The following ARHGAP15 variants were observed in gnomAD, a reference collection of about 807,000 sequenced individuals.
ARHGAP15 encodes Rho GTPase activating protein 15.
A neutral mutation model predicts 63.7 loss-of-function variants in ARHGAP15; 51 were observed. The ratio of observed to expected loss-of-function variants is 0.80; its 90% confidence interval spans 0.64 to 1.01. ARHGAP15 has a LOEUF of 1.01. Ranked by LOEUF, ARHGAP15 falls within the 50% of genes least tolerant of loss-of-function variation. The pLI, the probability that ARHGAP15 is intolerant of heterozygous loss-of-function variation, is 0.00. For synonymous variants in ARHGAP15, 191 were observed against 193.8 expected, an observed-to-expected ratio of 0.99 and a Z score of 0.12; for missense variants, 560 against 564.6, an observed-to-expected ratio of 0.99 and a Z score of 0.08.
chr2:143,265,831 G>A (rs982647660), intron 6 of ARHGAP15, among the ~76,000 whole-genome samples: 2 of 151,972 alleles, frequency 1.3e-5, no homozygotes, highest in Non-Finnish European at 2.9e-5. Flanking sequence ...TAAGCATAGT[G>A]TATTCATGTT....
At chr2:143,196,941 T>C (rs1691906610) in intron 2 of ARHGAP15, among the ~76,000 whole-genome samples, 1 of 151,982 alleles carries the variant, frequency 6.6e-6, no homozygotes, top group South Asian at 2.1e-4. Context: ...CTGCTAATAT[T>C]ATTCTTCTAT....
intron 12 of ARHGAP15, among the ~76,000 whole-genome samples, chr2:143,688,056 T>A (rs566508806): frequency 2.0e-5 from 3 of 152,310 alleles, no homozygotes; most frequent in South Asian, 4.1e-4. Context: ...AACCATGTTT[T>A]GGGGCTATTT....
At chr2:143,163,791 C>T (rs1690392190) in intron 2 of ARHGAP15, among the ~76,000 whole-genome samples, 1 of 151,962 alleles carries the variant, frequency 6.6e-6, no homozygotes, top group Non-Finnish European at 1.5e-5. Context: ...TTGGAGGAGG[C>T]GATATAAGTG....
chr2:143,621,426 A>G (rs1276844697), intron 11 of ARHGAP15, among the ~76,000 whole-genome samples: 1 of 152,222 alleles, frequency 6.6e-6, no homozygotes, highest in African/African-American at 2.4e-5. Context: ...AAGGCATACT[A>G]TATGGACATA....
At chr2:143,430,404 A>G (rs1689333725) in intron 6 of ARHGAP15, among the ~76,000 whole-genome samples, 1 of 152,096 alleles carries the variant, frequency 6.6e-6, no homozygotes, top group Admixed American at 6.6e-5. Context: ...GTAATTTGAG[A>G]CAGACATTCA....
At position 143,724,824 on chromosome 2, in the gene ARHGAP15, G is replaced by T. The variant is rs1040421381; in HGVS notation, c.1244+21300G>T. Among the ~76,000 whole-genome samples the T allele has an allele frequency of 2.0e-5, 3 of 152,132 alleles. No homozygotes were observed. The South Asian group carries it at 6.2e-4, about 32-fold the overall frequency. On this transcript the variant is annotated intron_variant, in intron 13 of 13. Transcript: ENST00000295095. The stretch of plus-strand genomic sequence containing the variant: ...AAATGTAGAAAATAAAATTCACAAC[G>T]ATCAGCATTATAAGAGTCTGAAGAG...
chr2:143,499,317 C>T (rs999896991), intron 9 of ARHGAP15, among the ~76,000 whole-genome samples: 64 of 152,202 alleles, frequency 4.2e-4, no homozygotes, highest in African/African-American at 1.5e-3. Flanking sequence ...ACTACAGATG[C>T]CTCGAGATAT....
chr2:143,675,766 A>G (rs1682794923), intron 12 of ARHGAP15, among the ~76,000 whole-genome samples: 1 of 152,156 alleles, frequency 6.6e-6, no homozygotes, highest in Non-Finnish European at 1.5e-5. Flanking sequence ...TAGATTTAAC[A>G]TAATTTGGAA....
At chr2:143,427,558 G>A (rs1266006992) in intron 6 of ARHGAP15, among the ~76,000 whole-genome samples, 4 of 151,774 alleles carry the variant, frequency 2.6e-5, no homozygotes, top group Admixed American at 2.6e-4. Flanking sequence ...ATTCTTAGAT[G>A]ATCTAGTATA....
chr2:143,504,702 C>G (rs1224384300), intron 9 of ARHGAP15, among the ~76,000 whole-genome samples: 1 of 152,166 alleles, frequency 6.6e-6, no homozygotes, highest in African/African-American at 2.4e-5. Context: ...TCTTTTGCCC[C>G]ATTGTGTTCT....
chr2:143,520,382 A>AAGG (rs1187765288), intron 10 of ARHGAP15, among the ~76,000 whole-genome samples: 1 of 152,204 alleles, frequency 6.6e-6, no homozygotes, highest in African/African-American at 2.4e-5. Context: ...ATTATACTGT[A>AAGG]AGGACAGCCT....
intron 8 of ARHGAP15, among the ~76,000 whole-genome samples, chr2:143,443,895 T>G (rs1690013245): frequency 1.3e-5 from 2 of 152,214 alleles, no homozygotes; most frequent in African/African-American, 4.8e-5. Context: ...GATTGCACTT[T>G]CTTCAAAACA....
rs35078121 is a variant in ARHGAP15, at chr2:143,660,778, G to C, written c.1138+36511G>C. Among the ~76,000 whole-genome samples the C allele has an allele frequency of 5.3e-3, 806 of 152,322 alleles. 9 individuals carry two copies. The highest frequency in any genetic ancestry group is 9.1e-3 in the Non-Finnish European group (618 of 68,026). ...ATTAATGACCTTTTACCTAGGAGTA[G>C]AAACAACAAAGAGAGTTTGTGATGG... On this transcript the variant is annotated intron_variant, in intron 12 of 13. Coordinates refer to ENST00000295095, the MANE Select transcript of ARHGAP15 (RefSeq NM_018460.4).
chr2:143,731,546 C>T (rs1227127462), intron 13 of ARHGAP15, among the ~76,000 whole-genome samples: 9 of 152,168 alleles, frequency 5.9e-5, no homozygotes, highest in African/African-American at 2.2e-4. Flanking sequence ...TCTGCCTATC[C>T]CAGATTCTAC....
chr2:143,129,683 TAAG>T (rs1203657161), intron 1 of ARHGAP15, among the ~76,000 whole-genome samples: 2 of 152,166 alleles, frequency 1.3e-5, no homozygotes, highest in Non-Finnish European at 2.9e-5. Context: ...GTTATAATAA[TAAG>T]ATGATTTGCT....
intron 6 of ARHGAP15, among the ~76,000 whole-genome samples, chr2:143,390,105 G>A (rs1403015555): frequency 1.3e-5 from 2 of 151,376 alleles, no homozygotes; most frequent in African/African-American, 4.9e-5. Context: ...TTTCACTAGA[G>A]CCTTTAAATA....
chr2:143,632,965 G>A (rs1456170933), intron 12 of ARHGAP15, among the ~76,000 whole-genome samples: 1 of 152,138 alleles, frequency 6.6e-6, no homozygotes, highest in Non-Finnish European at 1.5e-5. Context: ...GCATGATAGT[G>A]ACAAATTGCC....
At chr2:143,452,035 T>G (rs993600263) in intron 8 of ARHGAP15, among the ~76,000 whole-genome samples, 3 of 152,006 alleles carry the variant, frequency 2.0e-5, no homozygotes, top group Admixed American at 6.6e-5. Context: ...CAATTACAAC[T>G]TTCCTCCTTT....
chr2:143,605,858 C>CAAAAAAAAAAAAAAAAAAAAAAAAAA (rs373847590), intron 11 of ARHGAP15, among the ~76,000 whole-genome samples: 2 of 85,308 alleles, frequency 2.3e-5, no homozygotes, highest in Non-Finnish European at 4.7e-5. Flanking sequence ...TACTAAAATA[C>CAAAAAAAAAAAAAAAAAAAAAAAAAA]AAAAAAAAAA....
Sources: allele counts gnomAD v4.1 joint callset (sites outside exome capture counted in the v4.1 genomes callset), GRCh38; gene constraint gnomAD v4.1.1; transcripts MANE v1.5; gene names NCBI Gene and HGNC (gene_info 2026-07-23, HGNC 2026-07-21).